Variants in CA10 observed in about 807,000 individuals in gnomAD.
The protein encoded by CA10 is carbonic anhydrase-related protein 10.
CA10 carries 14 observed loss-of-function variants against 44.2 expected under a neutral mutation model. The observed-to-expected ratio is 0.32, with a 90% CI of 0.21 to 0.50. The LOEUF (loss-of-function observed/expected upper bound fraction) is 0.50, where lower values mean the gene tolerates loss of function less well. Ranked by LOEUF, CA10 falls within the 20% of genes least tolerant of loss-of-function variation. The pLI is 0.99. For synonymous variants in CA10, 159 were observed against 141.6 expected, an observed-to-expected ratio of 1.12 and a Z score of -0.87; for missense variants, 350 against 409.7, an observed-to-expected ratio of 0.85 and a Z score of 1.26.
At chr17:51,821,961 C>A (rs1323637059) in intron 3 of CA10, among the ~76,000 whole-genome samples, 1 of 152,148 alleles carries the variant, frequency 6.6e-6, no homozygotes, top group East Asian at 1.9e-4. Context: ...CCAGCCCAGC[C>A]CACACACATC....
chr17:51,946,712 C>A (rs1235821511), intron 2 of CA10, among the ~76,000 whole-genome samples: 1 of 152,176 alleles, frequency 6.6e-6, no homozygotes, highest in Non-Finnish European at 1.5e-5. Context: ...TTAAGTGATA[C>A]TTTCTTCTTC....
rs147831927 is a variant in CA10, at chr17:51,871,178, C to T, written c.279+59812G>A. ...GGTTCAAGCAATTCTCCTGTCTCAG[C>T]CTCCTGAGTAGCTGGGACTACAGGT... On this transcript the variant is annotated intron_variant, in intron 3 of 8. Coordinates refer to ENST00000451037, the MANE Select transcript of CA10 (RefSeq NM_020178.5). Among the ~76,000 whole-genome samples, 653 of 150,564 alleles carry T rather than the reference C, an allele frequency of 4.3e-3. 5 individuals carry two copies. The highest frequency in any genetic ancestry group is 0.015 in the African/African-American group (620 of 41,094).
intron 2 of CA10, among the ~76,000 whole-genome samples, chr17:52,039,318 C>G (rs1409076476): frequency 1.3e-5 from 2 of 151,536 alleles, no homozygotes; most frequent in East Asian, 4.2e-4. Context: ...AAAAATACTT[C>G]CATTCCACAC....
chr17:52,134,856 A>T (rs1348322010), intron 1 of CA10: 3 of 518,790 alleles, frequency 5.8e-6, no homozygotes, highest in African/African-American at 1.9e-5. Context: ...ATGAGCCAGA[A>T]CCCTGGGCTC....
chr17:51,868,150 G>C (rs1979635471), intron 3 of CA10, among the ~76,000 whole-genome samples: 1 of 151,296 alleles, frequency 6.6e-6, no homozygotes, highest in South Asian at 2.1e-4. Context: ...CTTATCTGCT[G>C]CTCGCTCTCC....
chr17:51,934,024 G>T lies in CA10; in HGVS notation c.137-2892C>A, dbSNP rs113712818. Among the ~76,000 whole-genome samples, 343 of 152,172 alleles carry T rather than the reference G, an allele frequency of 2.3e-3. No homozygotes were observed. In the Middle Eastern group the frequency reaches 0.037, roughly 17 times the overall value. ...TTTATATCCCCACTTCACGATCAAA[G>T]CCTGCGTCTCTGATGCTAATCACCT... On this transcript the variant is annotated intron_variant, in intron 2 of 8. Coordinates refer to ENST00000451037, the MANE Select transcript of CA10 (RefSeq NM_020178.5).
chr17:51,712,153 TAAGTG>T (rs1425213194), intron 4 of CA10, among the ~76,000 whole-genome samples: 1 of 152,242 alleles, frequency 6.6e-6, no homozygotes, highest in Non-Finnish European at 1.5e-5. Flanking sequence ...AAATGTGTGT[TAAGTG>T]AATAGCAAAC....
chr17:52,093,551 T>C (rs1460195012), intron 1 of CA10, among the ~76,000 whole-genome samples: 1 of 152,220 alleles, frequency 6.6e-6, no homozygotes, highest in Non-Finnish European at 1.5e-5. Context: ...GTGGGGTTTT[T>C]AATCATCACT....
At chr17:51,793,540 T>TC (rs1598047987) in intron 3 of CA10, among the ~76,000 whole-genome samples, 3 of 152,326 alleles carry the variant, frequency 2.0e-5, no homozygotes, top group Admixed American at 1.3e-4. Context: ...CCAGGTTTTG[T>TC]CCTGTGTTGA....
intron 3 of CA10, among the ~76,000 whole-genome samples, chr17:51,860,605 T>A (rs1979260144): frequency 1.3e-5 from 2 of 152,192 alleles, no homozygotes; most frequent in Non-Finnish European, 2.9e-5. Context: ...TTTCCTTAAG[T>A]TAGGTTTTCT....
chr17:51,632,507 T>C (rs1490193613), intron 8 of CA10, among the ~76,000 whole-genome samples: 4 of 152,196 alleles, frequency 2.6e-5, no homozygotes, highest in Non-Finnish European at 5.9e-5. Context: ...TTCTAAAAGC[T>C]GTCTGGTAAT....
chr17:51,712,371 CACA>C (rs940163526), intron 4 of CA10, among the ~76,000 whole-genome samples: 2 of 152,204 alleles, frequency 1.3e-5, no homozygotes, highest in African/African-American at 4.8e-5. Context: ...AGGGAAAAAT[CACA>C]ACATGACAGG....
intron 1 of CA10, among the ~76,000 whole-genome samples, chr17:52,155,722 C>T (rs149015515): frequency 1.1e-4 from 16 of 152,308 alleles, no homozygotes; most frequent in African/African-American, 3.1e-4. Context: ...GCATTTGGAA[C>T]GCTAACCTAG....
At chr17:51,746,141 T>A (rs1213320082) in intron 4 of CA10, among the ~76,000 whole-genome samples, 2 of 152,184 alleles carry the variant, frequency 1.3e-5, no homozygotes, top group African/African-American at 4.8e-5. Context: ...TCAACCCTAT[T>A]GTTTATAGAG....
intron 3 of CA10, among the ~76,000 whole-genome samples, chr17:51,885,449 T>A (rs1053254574): frequency 6.6e-6 from 1 of 152,130 alleles, no homozygotes; most frequent in Non-Finnish European, 1.5e-5. Context: ...TTCACAACTC[T>A]CCTTATTTGC....
chr17:52,067,765 T>A (rs1485372095), intron 2 of CA10, among the ~76,000 whole-genome samples: 2 of 152,234 alleles, frequency 1.3e-5, no homozygotes, highest in Non-Finnish European at 2.9e-5. Flanking sequence ...GAGATCATTA[T>A]GGACCTTTAA....
intron 3 of CA10, among the ~76,000 whole-genome samples, chr17:51,890,831 G>T (rs1440583958): frequency 1.3e-5 from 2 of 152,166 alleles, no homozygotes; most frequent in African/African-American, 4.8e-5. Context: ...GGAGCTAGTT[G>T]ACAGTTATGC....
intron 3 of CA10, among the ~76,000 whole-genome samples, chr17:51,807,654 G>A (rs1481250395): frequency 2.6e-5 from 4 of 152,172 alleles, no homozygotes; most frequent in African/African-American, 9.7e-5. Context: ...GCGGTATGGT[G>A]ACAACATGGA....
chr17:51,967,345 T>TAC (rs1198966568), intron 2 of CA10, among the ~76,000 whole-genome samples: 1 of 150,512 alleles, frequency 6.6e-6, no homozygotes. Context: ...TATATATATA[T>TAC]ATATATGAAT....
Sources: allele counts gnomAD v4.1 joint callset (sites outside exome capture counted in the v4.1 genomes callset), GRCh38; gene constraint gnomAD v4.1.1; transcripts MANE v1.5; gene names NCBI Gene and HGNC (gene_info 2026-07-23, HGNC 2026-07-21).